Variants in TENM2 observed in about 807,000 individuals in gnomAD.
TENM2 encodes teneurin-2.
Under a neutral mutation model 245.2 loss-of-function variants are expected in TENM2, and 52 were observed. The observed-to-expected ratio is 0.21, with a 90% CI of 0.17 to 0.27. The LOEUF (loss-of-function observed/expected upper bound fraction) is 0.27, where lower values mean the gene tolerates loss of function less well. Among genes scored for constraint, TENM2 ranks in the 10% least tolerant of loss-of-function variants. The pLI is 1.00. For synonymous variants in TENM2, 1,363 were observed against 1,438.9 expected, an observed-to-expected ratio of 0.95 and a Z score of 1.19; for missense variants, 3,046 against 3,666.8, an observed-to-expected ratio of 0.83 and a Z score of 4.37.
chr5:167,127,709 C>T, the TENM2 span, among the ~76,000 whole-genome samples: 2 of 150,298 alleles, frequency 1.3e-5, no homozygotes, highest in South Asian at 2.1e-4. Flanking sequence ...GAGCTGCTTA[C>T]GTTCATTGGC....
chr5:167,430,323 A>C (rs190165348), intron 2 of TENM2, among the ~76,000 whole-genome samples: 1 of 152,180 alleles, frequency 6.6e-6, no homozygotes, highest in Non-Finnish European at 1.5e-5. Context: ...GTAGAGATTA[A>C]ATAAAATAAT....
At chr5:167,225,380 T>C in the TENM2 span, among the ~76,000 whole-genome samples, 1 of 152,068 alleles carries the variant, frequency 6.6e-6, no homozygotes, top group Non-Finnish European at 1.5e-5. Context: ...TGAAGCGATG[T>C]TGTGTTTTGT....
At chr5:167,145,204 G>A in the TENM2 span, among the ~76,000 whole-genome samples, 73 of 152,238 alleles carry the variant, frequency 4.8e-4, no homozygotes, top group African/African-American at 1.6e-3. Flanking sequence ...TAACGTAGTC[G>A]CAGTCTTGGG....
At chr5:167,384,072 C>A (rs1761264630) in intron 2 of TENM2, among the ~76,000 whole-genome samples, 1 of 152,102 alleles carries the variant, frequency 6.6e-6, no homozygotes, top group Non-Finnish European at 1.5e-5. Flanking sequence ...ACCGTATGTG[C>A]TAATGATACC....
chr5:168,231,372 G>A (rs1304750267), intron 25 of TENM2, among the ~76,000 whole-genome samples: 2 of 152,228 alleles, frequency 1.3e-5, no homozygotes, highest in Non-Finnish European at 2.9e-5. Context: ...GAGGTGACAG[G>A]ACAAAGAATG....
At chr5:167,020,540 C>A in the TENM2 span, among the ~76,000 whole-genome samples, 1 of 152,122 alleles carries the variant, frequency 6.6e-6, no homozygotes, top group African/African-American at 2.4e-5. Flanking sequence ...GCTAGTAAGC[C>A]CATTCCATCT....
intron 15 of TENM2, among the ~76,000 whole-genome samples, chr5:168,198,608 A>G (rs751851824): frequency 3.3e-5 from 5 of 152,172 alleles, no homozygotes; most frequent in African/African-American, 4.8e-5. Flanking sequence ...TGCCATGTGT[A>G]TTGGTGTAAT....
chr5:167,615,048 T>C (rs1227823752), intron 2 of TENM2, among the ~76,000 whole-genome samples: 2 of 152,140 alleles, frequency 1.3e-5, no homozygotes, highest in Non-Finnish European at 2.9e-5. Context: ...ACTCTAAGGG[T>C]GAAATTATAA....
chr5:167,502,715 C>A (rs1396539144), intron 2 of TENM2, among the ~76,000 whole-genome samples: 1 of 152,180 alleles, frequency 6.6e-6, no homozygotes, highest in Admixed American at 6.5e-5. Context: ...TAGTCAAAAT[C>A]ACTGCAGCCC....
intron 13 of TENM2, among the ~76,000 whole-genome samples, chr5:168,175,144 A>T (rs974293874): frequency 5.9e-5 from 9 of 152,160 alleles, no homozygotes; most frequent in Non-Finnish European, 8.8e-5. Flanking sequence ...CTCATCTGTA[A>T]ACTGGAAACA....
chr5:168,045,360 C>T (rs111572778), intron 5 of TENM2, among the ~76,000 whole-genome samples: 3 of 152,356 alleles, frequency 2.0e-5, no homozygotes, highest in African/African-American at 7.2e-5. Context: ...ACAGAGGAAA[C>T]ACAGTTGCAG....
chr5:167,655,864 G>A lies in TENM2; in HGVS notation c.503-220122G>A, dbSNP rs141447483. Among the ~76,000 whole-genome samples the A allele has an allele frequency of 7.2e-5, 11 of 152,194 alleles. No homozygotes were observed. The East Asian group carries it at 2.1e-3, about 29-fold the overall frequency. ...AAACACAAAATACTATCCTAAACTA[G>A]CTCTTTTCCGCCTGCCAGGGCCACC... On this transcript the variant is annotated intron_variant, in intron 2 of 28. Transcript: ENST00000518659.
intron 2 of TENM2, among the ~76,000 whole-genome samples, chr5:167,724,439 A>G (rs1177275244): frequency 6.6e-6 from 1 of 152,220 alleles, no homozygotes; most frequent in African/African-American, 2.4e-5. Flanking sequence ...TTGAGCACTT[A>G]CTATGGTTGA....
intron 3 of TENM2, among the ~76,000 whole-genome samples, chr5:167,881,498 C>T (rs1157770792): frequency 6.6e-6 from 1 of 152,166 alleles, no homozygotes; most frequent in Non-Finnish European, 1.5e-5. Flanking sequence ...GAATGAGTGT[C>T]TATAGTAACC....
chr5:167,464,622 G>A (rs1026999910), intron 2 of TENM2, among the ~76,000 whole-genome samples: 1 of 151,910 alleles, frequency 6.6e-6, no homozygotes, highest in Non-Finnish European at 1.5e-5. Flanking sequence ...TAACATTAAG[G>A]GTGAAGAGCT....
At chr5:167,938,264 A>T (rs1778889240) in intron 3 of TENM2, among the ~76,000 whole-genome samples, 2 of 152,182 alleles carry the variant, frequency 1.3e-5, no homozygotes, top group Non-Finnish European at 2.9e-5. Flanking sequence ...GCACATTGAG[A>T]TGTGCATATG....
At chr5:167,033,211 A>G in the TENM2 span, among the ~76,000 whole-genome samples, 3 of 152,260 alleles carry the variant, frequency 2.0e-5, no homozygotes, top group Non-Finnish European at 2.9e-5. Flanking sequence ...TATTGTGATG[A>G]TGCACATCTA....
rs145624039 is a variant in TENM2 at position 167,828,830 on chromosome 5, G to A, written c.503-47156G>A. Among the ~76,000 whole-genome samples the A allele has an allele frequency of 1.2e-4, 19 of 152,268 alleles. No homozygotes were observed. The East Asian group carries it at 3.3e-3, about 26-fold the overall frequency. On this transcript the variant is annotated intron_variant, in intron 2 of 28. Transcript: ENST00000518659. Reference sequence around the variant, plus strand: ...CCTTTTACATAGAAGGTTGGGAATTGATGATTAAAGATAACTTCTATTTGA... The same window carrying A: ...CCTTTTACATAGAAGGTTGGGAATTAATGATTAAAGATAACTTCTATTTGA...
the TENM2 span, among the ~76,000 whole-genome samples, chr5:167,236,877 A>G: frequency 2.1e-5 from 3 of 144,880 alleles, no homozygotes; most frequent in Admixed American, 2.0e-4. Context: ...CTCTACTTCT[A>G]TACCTTTTTT....
Sources: gnomAD v4.1 joint callset for allele counts (sites outside exome capture counted in the v4.1 genomes callset) on GRCh38, gnomAD v4.1.1 for gene constraint, MANE v1.5 for transcripts, NCBI Gene and HGNC (gene_info 2026-07-23, HGNC 2026-07-21) for gene names.